The following BOC variants were observed in gnomAD, a reference collection of about 807,000 sequenced individuals.
BOC encodes the protein BOC cell adhesion associated, oncogene regulated.
BOC carries 76 observed loss-of-function variants against 112.0 expected under a neutral mutation model. That is an observed-to-expected ratio of 0.68 (90% CI 0.56 to 0.82). The LOEUF (loss-of-function observed/expected upper bound fraction) is 0.82. Among genes scored for constraint, BOC ranks in the 40% least tolerant of loss-of-function variants. The pLI is 0.00. For missense variants in BOC, 1,309 were observed against 1,511.7 expected (o/e 0.87, Z 2.22); for synonymous variants, 580 against 599.8 (o/e 0.97, Z 0.48).
chr3:113,237,825 C>G (rs1305506124), intron 2 of BOC, among the ~76,000 whole-genome samples: 1 of 152,162 alleles, frequency 6.6e-6, no homozygotes, highest in Non-Finnish European at 1.5e-5. Flanking sequence ...GTCAGGCTAA[C>G]GTTCTTTCTC....
Position 113,284,156 on chromosome 3 carries a change from T to C in BOC, c.2657-179T>C, listed in dbSNP as rs142566950. ...GAAGAGTCTAGGTGTCAGGTAGAAA[T>C]GGGCGACACAAAGGAGACTCTAGGA... On this transcript the variant is annotated intron_variant, in intron 16 of 19. Coordinates refer to ENST00000682979, the MANE Select transcript of BOC (RefSeq NM_001378074.1). Among the ~76,000 whole-genome samples the C allele has an allele frequency of 4.6e-5, 7 of 152,122 alleles. No individual in the cohort carries two copies. In the East Asian group the frequency reaches 1.4e-3, roughly 29 times the overall value.
At chr3:113,271,203 G>C (rs781575174) in intron 6 of BOC, 2 of 651,784 alleles carry the variant, frequency 3.1e-6, no homozygotes, top group African/African-American at 3.6e-5. Context: ...TTTCCTTCAC[G>C]GTTACTTTGC....
intron 2 of BOC, among the ~76,000 whole-genome samples, chr3:113,238,644 A>G (rs1396846183): frequency 6.6e-6 from 1 of 152,250 alleles, no homozygotes; most frequent in Non-Finnish European, 1.5e-5. Context: ...TAGAGTGAAA[A>G]GAACCAAGGG....
Position 113,270,878 on chromosome 3 carries a change from G to A in BOC, c.601G>A (p.Ala201Thr). 1 of 1,614,230 alleles carries A rather than the reference G, an allele frequency of 6.2e-7. No homozygotes were observed. The highest frequency in any genetic ancestry group is 8.5e-7 in the Non-Finnish European group (1 of 1,180,046). ...SQEDEGMYKC[A>T]AYNPVTQEVK... ...GGAGGACGAGGGCATGTACAAGTGT[G>A]CAGCCTACAACCCAGTGACCCAGGA... Residue 201 changes from alanine (A) to threonine (T), a missense_variant, in exon 6 of 20, where the codon GCA becomes ACA. By Grantham distance (58) the Ala-to-Thr change is moderately conservative. Coordinates refer to ENST00000682979, the MANE Select transcript of BOC (RefSeq NM_001378074.1).
At chr3:113,225,999 G>A (rs1941598593) in intron 2 of BOC, among the ~76,000 whole-genome samples, 1 of 152,190 alleles carries the variant, frequency 6.6e-6, no homozygotes, top group African/African-American at 2.4e-5. Context: ...ATAGTCCCAA[G>A]AAAGAATCCC....
rs775507105 is a variant in BOC, at chr3:113,286,770, G to A, written c.3256G>A (p.Val1086Ile). 23 of 1,613,680 alleles carry A rather than the reference G, an allele frequency of 1.4e-5. 1 individual carries two copies. The highest frequency in any genetic ancestry group is 7.7e-5 in the South Asian group (7 of 91,054). ...AGGAGACTGGTGTCCCCAGCACCCC[G>A]TAGGGGCCTACGTAGGACAGGAACC... ...SGGDWCPQHP[V>I]GAYVGQEPGM... Residue 1086 changes from valine (V) to isoleucine (I), a missense_variant, in exon 20 of 20, where the codon GTA becomes ATA. By Grantham distance (29) the Val-to-Ile change is conservative. Coordinates refer to ENST00000682979, the MANE Select transcript of BOC (RefSeq NM_001378074.1).
At chr3:113,228,435 G>T (rs530601189) in intron 2 of BOC, among the ~76,000 whole-genome samples, 1 of 152,268 alleles carries the variant, frequency 6.6e-6, no homozygotes, top group East Asian at 1.9e-4. Flanking sequence ...ACTGCTCTCT[G>T]TGCCTGGCCC....
intron 2 of BOC, among the ~76,000 whole-genome samples, chr3:113,240,362 T>C (rs953318865): frequency 6.6e-6 from 1 of 152,198 alleles, no homozygotes; most frequent in African/African-American, 2.4e-5. Context: ...ACCTGTGAGA[T>C]ACTCGCACCA....
chr3:113,237,014 G>A (rs1474336510), intron 2 of BOC, among the ~76,000 whole-genome samples: 1 of 152,216 alleles, frequency 6.6e-6, no homozygotes. Context: ...GTGAAGGGTA[G>A]AAGAGTTTCA....
At chr3:113,260,692 CAGAACAGAACAGAACAGAACAGAACAGAA>C (rs1459088811) in intron 4 of BOC, among the ~76,000 whole-genome samples, 18 of 115,196 alleles carry the variant, frequency 1.6e-4, no homozygotes, top group African/African-American at 4.8e-4. Context: ...CAGAACAGAA[CAGAACAGAACAGAACAGAACAGAACAGAA>C]AGAACAGAAC....
intron 9 of BOC, 126 bp from the exon 10 acceptor site, chr3:113,277,969 C>A: frequency 7.8e-7 from 1 of 1,287,702 alleles, no homozygotes; most frequent in East Asian, 2.3e-5. Context: ...ACCCTAACCC[C>A]AACCTGGCTT....
intron 2 of BOC, among the ~76,000 whole-genome samples, chr3:113,217,549 T>C (rs1441068442): frequency 2.0e-5 from 3 of 149,932 alleles, no homozygotes; most frequent in Admixed American, 2.0e-4. Flanking sequence ...GAAAGAGAGA[T>C]GGGAGATGGG....
intron 2 of BOC, among the ~76,000 whole-genome samples, chr3:113,247,392 G>A (rs1945050279): frequency 6.7e-6 from 1 of 150,256 alleles, no homozygotes; most frequent in Admixed American, 6.7e-5. Flanking sequence ...GAAACCAAAA[G>A]CTTACTTTTT....
intron 2 of BOC, among the ~76,000 whole-genome samples, chr3:113,240,887 C>T (rs1944202891): frequency 6.6e-6 from 1 of 152,144 alleles, no homozygotes; most frequent in Non-Finnish European, 1.5e-5. Flanking sequence ...GTGACAAGGC[C>T]CACCCTACTG....
intron 2 of BOC, among the ~76,000 whole-genome samples, chr3:113,249,157 A>C (rs1341126499): frequency 6.6e-6 from 1 of 152,122 alleles, no homozygotes; most frequent in East Asian, 1.9e-4. Context: ...TGGGGTGAGG[A>C]AAATCAGAGC....
rs1370114839 is a variant in BOC at position 113,249,873 on chromosome 3, C to T, written c.71C>T (p.Ala24Val). 1 of 1,613,464 alleles carries T rather than the reference C, an allele frequency of 6.2e-7. No individual in the cohort carries two copies. Among genetic ancestry groups the T allele is most frequent in the African/African-American group, 1.3e-5 (1 of 74,894 alleles). Reference sequence around the variant, plus strand: ...GTCACACTGGCTTGCCTCCTCCTAGCCACAGCAGGCTGCTTTGCTGACTTG... The same window carrying T: ...GTCACACTGGCTTGCCTCCTCCTAGTCACAGCAGGCTGCTTTGCTGACTTG... ...PEVTLACLLLATAGCFADLNE... is the reference protein window; with the variant it reads ...PEVTLACLLLVTAGCFADLNE... Residue 24 changes from alanine (A) to valine (V), a missense_variant, in exon 3 of 20, where the codon GCC becomes GTC. By Grantham distance (64) the Ala-to-Val change is moderately conservative. Coordinates refer to ENST00000682979, the MANE Select transcript of BOC (RefSeq NM_001378074.1).
At position 113,249,869 on chromosome 3, in the gene BOC, C is replaced by G. The variant is rs759827886; in HGVS notation, c.67C>G (p.Leu23Val). 1 of 1,613,516 alleles carries G rather than the reference C, an allele frequency of 6.2e-7. No individual in the cohort carries two copies. Among genetic ancestry groups the G allele is most frequent in the Non-Finnish European group, 8.5e-7 (1 of 1,179,874 alleles). ...RPEVTLACLL[L>V]ATAGCFADLN... ...TGAGGTCACACTGGCTTGCCTCCTC[C>G]TAGCCACAGCAGGCTGCTTTGCTGA... The change falls in exon 3 of 20, where the codon CTA (leucine) becomes GTA (valine). Residue 23 changes from leucine (L) to valine (V), a missense_variant. Physicochemically the swap from Leu to Val is conservative, Grantham distance 32 (BLOSUM62 1). Transcript: ENST00000682979.
At chr3:113,221,464 A>G (rs6768358) in intron 2 of BOC, among the ~76,000 whole-genome samples, 138,977 of 152,266 alleles carry the variant, frequency 0.91, 63,761 homozygotes, top group Non-Finnish European at 0.97. Flanking sequence ...TAAACCCCCC[A>G]TGCCTTCCCC....
chr3:113,272,160 T>C (rs1948187434), intron 6 of BOC: 7 of 572,978 alleles, frequency 1.2e-5, no homozygotes, highest in Admixed American at 6.0e-5. Context: ...ATATGTTATG[T>C]TGATGCTGCT....
Sources: gnomAD v4.1 joint callset for allele counts (sites outside exome capture counted in the v4.1 genomes callset) on GRCh38, gnomAD v4.1.1 for gene constraint, MANE v1.5 for transcripts, NCBI Gene and HGNC (gene_info 2026-07-23, HGNC 2026-07-21) for gene names.